Variants in SYNJ1 observed in about 807,000 individuals in gnomAD.
The protein encoded by SYNJ1 is synaptojanin 1.
A neutral mutation model predicts 168.2 loss-of-function variants in SYNJ1; 78 were observed. The ratio of observed to expected loss-of-function variants is 0.46; its 90% CI spans 0.39 to 0.56. SYNJ1 has a LOEUF of 0.56. SYNJ1 is among the 20% of genes least tolerant of loss of function. The probability of loss-of-function intolerance (pLI) is 0.00; values close to 1 mark genes in which losing one functional copy is unlikely to be tolerated. For synonymous variants in SYNJ1, 539 were observed against 548.6 expected (o/e 0.98, Z 0.24); for missense variants, 1,303 against 1,597.6 (o/e 0.82, Z 3.14).
rs2145850761 is a variant in SYNJ1 at position 32,656,705 on chromosome 21, C to T, written c.2777G>A (p.Gly926Asp). The T allele has an allele frequency of 3.1e-6, 5 of 1,613,376 alleles. No homozygotes were observed. Among genetic ancestry groups the T allele is most frequent in the Non-Finnish European group, 4.2e-6 (5 of 1,179,684 alleles). The part of the protein sequence containing the change: ...DELLQQFASF[G>D]EVILIRFVED... ...ATCTTACCTTATAAGTATAACTTCA[C>T]CAAAACTTGCAAACTGCTGCAGAAG... Residue 926 changes from glycine to aspartate, a missense_variant, in exon 21 of 33, where the codon GGT (glycine) becomes GAT (aspartate). Transcript: ENST00000674351.
chr21:32,696,968 A>G (rs1181783473), intron 4 of SYNJ1, among the ~76,000 whole-genome samples: 1 of 152,226 alleles, frequency 6.6e-6, no homozygotes, highest in Non-Finnish European at 1.5e-5. Context: ...CAAAGTTCAA[A>G]CTGGTTGTGA....
At chr21:32,641,997 A>G (rs377041123) in intron 28 of SYNJ1, 31 bp from the exon 29 acceptor site, 1 of 1,612,856 alleles carries the variant, frequency 6.2e-7, no homozygotes, top group East Asian at 2.2e-5. Context: ...CATATATTTA[A>G]GTTTAAAAAA....
At chr21:32,645,954 G>A (rs1326039655) in intron 24 of SYNJ1, 165 bp from the exon 25 acceptor site, 3 of 1,060,962 alleles carry the variant, frequency 2.8e-6, no homozygotes, top group East Asian at 4.7e-5. Context: ...CTATTAAACT[G>A]CCCTTTGGTA....
intron 30 of SYNJ1, 116 bp downstream of exon 30, chr21:32,639,555 C>T: frequency 1.3e-6 from 1 of 794,200 alleles, no homozygotes; most frequent in Non-Finnish European, 2.0e-6. Context: ...TCACCCCTGG[C>T]TAATTTTAAG....
chr21:32,655,318 T>G (rs2040416706), intron 21 of SYNJ1, among the ~76,000 whole-genome samples: 2 of 152,336 alleles, frequency 1.3e-5, no homozygotes, highest in South Asian at 4.1e-4. Context: ...TTTCTGTACT[T>G]GGCAAAGTAT....
At chr21:32,636,808 A>G (rs898051917) in intron 31 of SYNJ1, among the ~76,000 whole-genome samples, 1 of 151,972 alleles carries the variant, frequency 6.6e-6, no homozygotes, top group Non-Finnish European at 1.5e-5. Flanking sequence ...CAAGAAAGAA[A>G]AGTGTGTCTG....
intron 11 of SYNJ1, among the ~76,000 whole-genome samples, chr21:32,679,596 A>T (rs2041545575): frequency 1.3e-5 from 2 of 152,160 alleles, no homozygotes; most frequent in African/African-American, 2.4e-5. Flanking sequence ...TCAGTTTGCA[A>T]TATGTAATTT....
chr21:32,713,732 ATCAACATGGATGATTTCCCATATG>A (rs1396750568), intron 2 of SYNJ1, among the ~76,000 whole-genome samples: 1,577 of 142,746 alleles, frequency 0.011, 1 homozygote, highest in African/African-American at 0.036. Context: ...TTTCCCATAT[ATCAACATGGATGATTTCCCATATG>A]TCAACATGGA....
chr21:32,678,957 A>T, intron 11 of SYNJ1, 156 bp from the exon 12 acceptor site: 1 of 984,012 alleles, frequency 1.0e-6, no homozygotes, highest in East Asian at 2.9e-5. Context: ...TGACAATTAA[A>T]ATGCCTCCAA....
chr21:32,650,299 G>T lies in SYNJ1; in HGVS notation c.2922C>A (p.Ile974=). ...AACTCATTTCTTCTTCCAAATTTTT[G>T]ATCCAGTCTGGACTTTTTAAAGCAA... is the stretch of plus-strand genomic sequence containing the variant. The part of the protein sequence containing the change: ...ITIALKSPDW[I]KNLEEEMSLE... The change falls in exon 23 of 33, where the codon ATC becomes ATA. Residue 974 remains isoleucine (I), a synonymous_variant. Coordinates refer to ENST00000674351, the MANE Select transcript of SYNJ1 (RefSeq NM_203446.3). The T allele has an allele frequency of 6.2e-7, 1 of 1,613,922 alleles. No individual in the cohort carries two copies. Among genetic ancestry groups the T allele is most frequent in the South Asian group, 1.1e-5 (1 of 91,062 alleles).
intron 26 of SYNJ1, among the ~76,000 whole-genome samples, chr21:32,643,828 T>C (rs1387868195): frequency 6.6e-6 from 1 of 152,226 alleles, no homozygotes; most frequent in East Asian, 1.9e-4. Flanking sequence ...AAAGAAATCA[T>C]AAATTTCTAT....
chr21:32,685,438 A>T (rs1487344793), intron 9 of SYNJ1, among the ~76,000 whole-genome samples: 1 of 148,508 alleles, frequency 6.7e-6, no homozygotes, highest in Non-Finnish European at 1.5e-5. Flanking sequence ...AAAAAAAAAA[A>T]AAAAAAAAAA....
chr21:32,661,612 C>T (rs2040706820), intron 18 of SYNJ1, among the ~76,000 whole-genome samples: 1 of 152,148 alleles, frequency 6.6e-6, no homozygotes, highest in Admixed American at 6.5e-5. Context: ...TTGGAAACTA[C>T]ATGCCGCCTA....
At chr21:32,688,005 G>A (rs2041891025) in intron 7 of SYNJ1, among the ~76,000 whole-genome samples, 1 of 151,542 alleles carries the variant, frequency 6.6e-6, no homozygotes, top group East Asian at 1.9e-4. Flanking sequence ...TTTTATACTT[G>A]CAGCACATCT....
chr21:32,690,734 C>G (rs935929401), intron 6 of SYNJ1, among the ~76,000 whole-genome samples: 17 of 152,218 alleles, frequency 1.1e-4, no homozygotes, highest in African/African-American at 3.9e-4. Context: ...ACCGGCCTGA[C>G]CAACATGGTG....
intron 23 of SYNJ1, among the ~76,000 whole-genome samples, chr21:32,649,221 A>C (rs1433286810): frequency 2.0e-5 from 3 of 152,208 alleles, no homozygotes; most frequent in Non-Finnish European, 4.4e-5. Context: ...CAGCTGTCGA[A>C]TCTCCAGCAC....
At chr21:32,723,232 A>C (rs1377390653) in intron 2 of SYNJ1, among the ~76,000 whole-genome samples, 1 of 152,212 alleles carries the variant, frequency 6.6e-6, no homozygotes, top group Non-Finnish European at 1.5e-5. Flanking sequence ...TTTACTTGCA[A>C]TCTTTTGGTA....
intron 2 of SYNJ1, among the ~76,000 whole-genome samples, chr21:32,715,328 G>T (rs1303968543): frequency 6.6e-6 from 1 of 152,078 alleles, no homozygotes; most frequent in Non-Finnish European, 1.5e-5. Context: ...ACAAAAATCA[G>T]CTGGGCATGG....
chr21:32,659,212 A>C (rs1787963948), intron 18 of SYNJ1, among the ~76,000 whole-genome samples: 1 of 151,874 alleles, frequency 6.6e-6, no homozygotes, highest in Non-Finnish European at 1.5e-5. Flanking sequence ...ACAGGACTTA[A>C]CCCAAAAAAA....
Sources: gnomAD v4.1 joint callset for allele counts (sites outside exome capture counted in the v4.1 genomes callset) on GRCh38, gnomAD v4.1.1 for gene constraint, MANE v1.5 for transcripts, NCBI Gene and HGNC (gene_info 2026-07-23, HGNC 2026-07-21) for gene names.